Variants in NUP155 observed in about 807,000 individuals in gnomAD.
The protein encoded by NUP155 is nucleoporin 155.
Under a neutral mutation model 180.4 loss-of-function variants are expected in NUP155, and 71 were observed. The ratio of observed to expected loss-of-function variants is 0.39; its 90% CI spans 0.33 to 0.48. NUP155 has a LOEUF of 0.48. Ranked by LOEUF, NUP155 falls within the 20% of genes least tolerant of loss-of-function variation. The probability of loss-of-function intolerance (pLI) is 0.91; values close to 1 mark genes in which losing one functional copy is unlikely to be tolerated. For missense variants in NUP155, 1,553 were observed against 1,648.9 expected, an observed-to-expected ratio of 0.94 and a Z score of 1.01; for synonymous variants, 582 against 559.5, an observed-to-expected ratio of 1.04 and a Z score of -0.57.
At chr5:37,344,322 A>G (rs1269233992) in intron 9 of NUP155, among the ~76,000 whole-genome samples, 1 of 150,822 alleles carries the variant, frequency 6.6e-6, no homozygotes, top group African/African-American at 2.4e-5. Context: ...AGACTGGGTG[A>G]CAGAGCAAAA....
At chr5:37,369,591 T>G (rs1747829913) in intron 1 of NUP155, among the ~76,000 whole-genome samples, 1 of 150,984 alleles carries the variant, frequency 6.6e-6, no homozygotes, top group African/African-American at 2.5e-5. Context: ...TGAGTAATGT[T>G]GTTCAAGATG....
intron 6 of NUP155, among the ~76,000 whole-genome samples, chr5:37,350,960 A>G (rs994661556): frequency 2.0e-5 from 3 of 152,062 alleles, no homozygotes; most frequent in African/African-American, 4.8e-5. Context: ...AGAGACATTG[A>G]TGTGTGCCTT....
chr5:37,350,408 GA>G, intron 6 of NUP155, 143 bp from the exon 7 acceptor site: 1 of 634,982 alleles, frequency 1.6e-6, no homozygotes, highest in Non-Finnish European at 2.8e-6. Flanking sequence ...TCAACAAAAC[GA>G]GACATATTAT....
intron 4 of NUP155, among the ~76,000 whole-genome samples, chr5:37,356,596 C>G (rs1746845964): frequency 1.3e-5 from 2 of 151,948 alleles, no homozygotes; most frequent in African/African-American, 2.4e-5. Context: ...ACCAAGGTGG[C>G]TAAACTGCAC....
rs775032568 is a variant in NUP155 at position 37,342,642 on chromosome 5, T to C, written c.1000A>G (p.Ile334Val). The C allele has an allele frequency of 3.8e-6, 6 of 1,598,100 alleles. No individual in the cohort carries two copies. In the South Asian group the frequency reaches 4.4e-5, roughly 12 times the overall value. Residue 334 changes from isoleucine (I) to valine (V), a missense_variant, in exon 10 of 35, where the codon ATC (isoleucine) becomes GTC (valine). Physicochemically the swap from Ile to Val is conservative, Grantham distance 29 (BLOSUM62 3). Transcript: ENST00000231498. ...VSAAGNIART[I>V]DRSVFKPIVQ... ...ATTGGTTTAAAAACAGAACGATCGA[T>C]GGTCCTAAAAGAAAGGAGAAAATAA...
Position 37,371,095 on chromosome 5 carries a change from T to TGGCGCCTC in NUP155, c.-126_-119dup, listed in dbSNP as rs1050195704. 3 of 1,006,204 alleles carry TGGCGCCTC rather than the reference T, an allele frequency of 3.0e-6. No individual in the cohort carries two copies. The African/African-American group carries it at 4.8e-5, about 16-fold the overall frequency. 62.3% of individuals were successfully genotyped at this position (1,006,204 alleles called of 1,614,324 possible). ...GGGCGCGCGCGCCAAACGAGCGCCT[T>TGGCGCCTC]GGCGCCTCGACATGACGCACTTCCG... On this transcript the variant is annotated 5_prime_UTR_variant, in exon 1 of 35. Coordinates refer to ENST00000231498, the MANE Select transcript of NUP155 (RefSeq NM_153485.3).
intron 13 of NUP155, among the ~76,000 whole-genome samples, chr5:37,332,870 T>A (rs1480209131): frequency 6.6e-6 from 1 of 151,748 alleles, no homozygotes; most frequent in African/African-American, 2.4e-5. Context: ...TGTGGGAGGA[T>A]CCCTTGAGCC....
At chr5:37,302,678 T>C (rs1337801667) in intron 29 of NUP155, 101 bp downstream of exon 29, 3 of 1,162,006 alleles carry the variant, frequency 2.6e-6, no homozygotes, top group South Asian at 1.3e-5. Flanking sequence ...AGAATAATAA[T>C]GACTTCTCAG....
chr5:37,307,483 A>T, intron 24 of NUP155, 51 bp from the exon 25 acceptor site: 1 of 1,573,602 alleles, frequency 6.4e-7, no homozygotes, highest in Non-Finnish European at 8.7e-7. Context: ...TAAGTTGGAT[A>T]CATTTTTCCT....
At chr5:37,296,006 G>C (rs1406658058) in intron 32 of NUP155, among the ~76,000 whole-genome samples, 2 of 141,564 alleles carry the variant, frequency 1.4e-5, no homozygotes, top group African/African-American at 5.3e-5. Context: ...GGGAGGAGGG[G>C]GGGGTCAGCC....
chr5:37,312,816 C>A (rs217798), intron 22 of NUP155, among the ~76,000 whole-genome samples: 1 of 151,928 alleles, frequency 6.6e-6, no homozygotes, highest in African/African-American at 2.4e-5. Flanking sequence ...GGTGACAGAG[C>A]GAGACACTGT....
chr5:37,361,265 CAAAAAAAAAAA>C (rs35489900), intron 3 of NUP155, among the ~76,000 whole-genome samples: 13 of 78,028 alleles, frequency 1.7e-4, no homozygotes, highest in South Asian at 7.7e-4. Context: ...GACTCTGTCT[CAAAAAAAAAAA>C]AAAAAAAAAG....
chr5:37,327,898 CATA>C (rs1744707859), intron 17 of NUP155, 122 bp from the exon 18 acceptor site: 1 of 1,087,368 alleles, frequency 9.2e-7, no homozygotes, highest in Non-Finnish European at 1.4e-6. Flanking sequence ...TCAGAATTCT[CATA>C]ACCCAAGTTT....
intron 9 of NUP155, among the ~76,000 whole-genome samples, chr5:37,345,502 C>T (rs1303547591): frequency 7.7e-6 from 1 of 129,584 alleles, no homozygotes; most frequent in Non-Finnish European, 1.6e-5. Flanking sequence ...CAGAGTGTGA[C>T]TCCATTTCAA....
intron 32 of NUP155, among the ~76,000 whole-genome samples, chr5:37,296,466 C>G (rs576212427): frequency 6.6e-6 from 1 of 151,556 alleles, no homozygotes; most frequent in Non-Finnish European, 1.5e-5. Context: ...GTTAAACAGA[C>G]GCTTGAAGGC....
At chr5:37,344,138 G>C (rs188874247) in intron 9 of NUP155, among the ~76,000 whole-genome samples, 3 of 151,228 alleles carry the variant, frequency 2.0e-5, no homozygotes, top group Admixed American at 1.3e-4. Context: ...CCAGGAGTTC[G>C]AGACCAGCCT....
intron 30 of NUP155, among the ~76,000 whole-genome samples, chr5:37,300,668 TC>T (rs1466489822): frequency 6.6e-6 from 1 of 151,954 alleles, no homozygotes; most frequent in Non-Finnish European, 1.5e-5. Flanking sequence ...AGTTTTTTTT[TC>T]TTTTTGAGAC....
At position 37,299,435 on chromosome 5, in the gene NUP155, A is replaced by C; in HGVS notation, c.3682+13T>G. ...CATAACGTATGCTAACATACCTATA[A>C]CTGAACACTTACCTTTCTCTATGAT... On this transcript the variant is annotated intron_variant, in intron 31 of 34. Coordinates refer to ENST00000231498, the MANE Select transcript of NUP155 (RefSeq NM_153485.3). The C allele has an allele frequency of 5.6e-6, 9 of 1,614,030 alleles. No homozygotes were observed. Among genetic ancestry groups the C allele is most frequent in the Non-Finnish European group, 7.6e-6 (9 of 1,179,960 alleles).
chr5:37,315,453 A>C (rs1743823920), intron 21 of NUP155, among the ~76,000 whole-genome samples: 2 of 152,218 alleles, frequency 1.3e-5, no homozygotes, highest in African/African-American at 4.8e-5. Flanking sequence ...AAAAAGCACA[A>C]TGAAATATTT....
Sources: gnomAD v4.1 joint callset for allele counts (sites outside exome capture counted in the v4.1 genomes callset) on GRCh38, gnomAD v4.1.1 for gene constraint, MANE v1.5 for transcripts, NCBI Gene and HGNC (gene_info 2026-07-23, HGNC 2026-07-21) for gene names.